Variants in STXBP6 observed in about 807,000 individuals in gnomAD.
STXBP6 encodes syntaxin-binding protein 6.
Under a neutral mutation model 26.9 loss-of-function variants are expected in STXBP6, and 21 were observed. The ratio of observed to expected loss-of-function variants is 0.78; its 90% CI spans 0.55 to 1.12. The LOEUF is 1.12. Among genes scored for constraint, STXBP6 ranks in the 50% most tolerant of loss-of-function variants. The probability of loss-of-function intolerance (pLI) is 0.00; values close to 1 mark genes in which losing one functional copy is unlikely to be tolerated. For missense variants in STXBP6, 232 were observed against 257.9 expected (o/e 0.90, Z 0.69); for synonymous variants, 97 against 92.6 (o/e 1.05, Z -0.27).
At chr14:24,873,854 C>A (rs2139361223) in intron 2 of STXBP6, among the ~76,000 whole-genome samples, 1 of 152,306 alleles carries the variant, frequency 6.6e-6, no homozygotes, top group Middle Eastern at 3.4e-3. Context: ...ATAACTGATG[C>A]TGGCTGTGTC....
intron 1 of STXBP6, among the ~76,000 whole-genome samples, chr14:25,008,171 C>A (rs754707870): frequency 6.6e-6 from 1 of 152,152 alleles, no homozygotes; most frequent in Non-Finnish European, 1.5e-5. Context: ...TGGGAAGTAG[C>A]CACAATTCAT....
chr14:24,900,238 T>TG (rs1199142532), intron 2 of STXBP6, among the ~76,000 whole-genome samples: 1 of 152,186 alleles, frequency 6.6e-6, no homozygotes, highest in Non-Finnish European at 1.5e-5. Context: ...GGCTAGCAGA[T>TG]GTAAGCTCTT....
At chr14:25,035,199 T>C (rs1198351067) in intron 1 of STXBP6, among the ~76,000 whole-genome samples, 1 of 151,980 alleles carries the variant, frequency 6.6e-6, no homozygotes, top group South Asian at 2.1e-4. Context: ...TAGACAGTTG[T>C]ACCTGTGAGA....
At chr14:24,889,607 GAA>G (rs977521199) in intron 2 of STXBP6, among the ~76,000 whole-genome samples, 1 of 151,136 alleles carries the variant, frequency 6.6e-6, no homozygotes, top group Non-Finnish European at 1.5e-5. Flanking sequence ...ACCCAGAAAA[GAA>G]AAAAGTGTAC....
chr14:24,930,333 A>C (rs1393695332), intron 2 of STXBP6, among the ~76,000 whole-genome samples: 4 of 152,236 alleles, frequency 2.6e-5, no homozygotes, highest in African/African-American at 9.6e-5. Flanking sequence ...TCCTTGGAGA[A>C]ATAAATCTTT....
At chr14:24,987,856 G>A in intron 1 of STXBP6, 1 of 985,524 alleles carries the variant, frequency 1.0e-6, no homozygotes, top group Non-Finnish European at 1.2e-6. Flanking sequence ...ACAAAGAGCA[G>A]AGCAAAGCTG....
chr14:24,988,228 G>A (rs2074382063), intron 1 of STXBP6, among the ~76,000 whole-genome samples: 1 of 152,146 alleles, frequency 6.6e-6, no homozygotes, highest in Admixed American at 6.5e-5. Context: ...TATTAACAGA[G>A]GTAACAAAGA....
At chr14:24,894,909 C>G (rs555558528) in intron 2 of STXBP6, among the ~76,000 whole-genome samples, 2 of 150,014 alleles carry the variant, frequency 1.3e-5, no homozygotes, top group South Asian at 4.2e-4. Flanking sequence ...TTTTTTAATG[C>G]TCAGGAAAAT....
chr14:24,970,580 T>C (rs1259340790), intron 2 of STXBP6, among the ~76,000 whole-genome samples: 1 of 152,210 alleles, frequency 6.6e-6, no homozygotes, highest in Non-Finnish European at 1.5e-5. Flanking sequence ...TACTGCAAGG[T>C]AGTATTCCAC....
At chr14:24,834,709 A>G (rs912224375) in intron 4 of STXBP6, among the ~76,000 whole-genome samples, 1 of 152,204 alleles carries the variant, frequency 6.6e-6, no homozygotes. Context: ...AAAGATGAGG[A>G]TGGCCCGAAC....
chr14:24,913,446 T>C (rs1274945538), intron 2 of STXBP6, among the ~76,000 whole-genome samples: 2 of 152,128 alleles, frequency 1.3e-5, no homozygotes, highest in Non-Finnish European at 2.9e-5. Context: ...TCACCATGCA[T>C]CCCTTGAATA....
At chr14:24,902,255 G>T (rs771567302) in intron 2 of STXBP6, among the ~76,000 whole-genome samples, 20 of 152,148 alleles carry the variant, frequency 1.3e-4, no homozygotes, top group Non-Finnish European at 5.9e-5. Flanking sequence ...AGTGATTGGG[G>T]ACTAGTTGTG....
intron 1 of STXBP6, among the ~76,000 whole-genome samples, chr14:25,019,293 G>C (rs1220086670): frequency 6.6e-6 from 1 of 152,154 alleles, no homozygotes; most frequent in Non-Finnish European, 1.5e-5. Context: ...AGGAACTTGT[G>C]GATTGTTAAG....
chr14:24,849,501 G>A (rs954596349), intron 4 of STXBP6, among the ~76,000 whole-genome samples: 20 of 152,054 alleles, frequency 1.3e-4, no homozygotes, highest in Non-Finnish European at 5.9e-5. Flanking sequence ...TAATAGATGA[G>A]GACTAAGTAG....
At chr14:24,862,923 T>C (rs1042888137) in intron 2 of STXBP6, among the ~76,000 whole-genome samples, 1 of 152,174 alleles carries the variant, frequency 6.6e-6, no homozygotes, top group Non-Finnish European at 1.5e-5. Context: ...TGCTTCCATA[T>C]GCCAACGAGG....
chr14:24,988,787 C>A (rs1708231337), intron 1 of STXBP6, among the ~76,000 whole-genome samples: 1 of 152,114 alleles, frequency 6.6e-6, no homozygotes, highest in African/African-American at 2.4e-5. Context: ...AGAACCTGAA[C>A]CCTTGTAGAA....
At chr14:24,949,708 C>A (rs1376792054) in intron 2 of STXBP6, among the ~76,000 whole-genome samples, 1 of 152,188 alleles carries the variant, frequency 6.6e-6, no homozygotes, top group Non-Finnish European at 1.5e-5. Context: ...TGCCTCCTTA[C>A]ATATTTTAAG....
intron 1 of STXBP6, among the ~76,000 whole-genome samples, chr14:25,029,535 GACTT>G (rs1305852411): frequency 6.6e-6 from 1 of 152,086 alleles, no homozygotes; most frequent in Non-Finnish European, 1.5e-5. Flanking sequence ...AAATTTGTGT[GACTT>G]ACTTTATTGC....
At chr14:24,964,168 A>C (rs2073650911) in intron 2 of STXBP6, among the ~76,000 whole-genome samples, 9 of 152,078 alleles carry the variant, frequency 5.9e-5, no homozygotes, top group Admixed American at 5.9e-4. Context: ...CTGTGATCAA[A>C]GCACTGGGAA....
Sources: allele counts gnomAD v4.1 joint callset (sites outside exome capture counted in the v4.1 genomes callset), GRCh38; gene constraint gnomAD v4.1.1; transcripts MANE v1.5; gene names NCBI Gene and HGNC (gene_info 2026-07-23, HGNC 2026-07-21).